Variants in CDH13 observed in about 807,000 individuals in gnomAD.
CDH13 encodes cadherin 13, also known as cadherin-13.
A neutral mutation model predicts 63.8 loss-of-function variants in CDH13; 24 were observed. The ratio of observed to expected loss-of-function variants is 0.38; its 90% CI spans 0.27 to 0.53. The LOEUF is 0.53. Among genes scored for constraint, CDH13 ranks in the 20% least tolerant of loss-of-function variants. The pLI is 0.85. For missense variants in CDH13, 1,049 were observed against 903.1 expected, an observed-to-expected ratio of 1.16 and a Z score of -2.07; for synonymous variants, 503 against 355.3, an observed-to-expected ratio of 1.42 and a Z score of -4.67.
chr16:83,115,313 A>C (rs4238729), intron 3 of CDH13, among the ~76,000 whole-genome samples: 80 of 152,324 alleles, frequency 5.3e-4, no homozygotes, highest in African/African-American at 1.9e-3. Context: ...TGAGATAATC[A>C]TACAATGTGT....
intron 7 of CDH13, among the ~76,000 whole-genome samples, chr16:83,585,345 A>C (rs1906042569): frequency 6.6e-6 from 1 of 152,112 alleles, no homozygotes; most frequent in African/African-American, 2.4e-5. Flanking sequence ...GGGGATGAGG[A>C]GGTTGGAGTC....
At chr16:82,931,568 G>A (rs1353496529) in intron 2 of CDH13, among the ~76,000 whole-genome samples, 10 of 149,038 alleles carry the variant, frequency 6.7e-5, no homozygotes, top group Admixed American at 6.7e-4. Context: ...GTATTAGTCT[G>A]TTTTCATGCT....
At chr16:83,476,542 G>A (rs558838783) in intron 6 of CDH13, among the ~76,000 whole-genome samples, 10 of 152,260 alleles carry the variant, frequency 6.6e-5, no homozygotes, top group Admixed American at 2.6e-4. Context: ...GCGTGGTGGC[G>A]CATGCCTGCA....
intron 6 of CDH13, among the ~76,000 whole-genome samples, chr16:83,352,272 C>G (rs2090968704): frequency 6.6e-6 from 1 of 152,058 alleles, no homozygotes; most frequent in Admixed American, 6.6e-5. Context: ...GGAAAATTCA[C>G]AGCTAAATGG....
At chr16:83,684,537 C>T (rs771024876) in intron 10 of CDH13, among the ~76,000 whole-genome samples, 1 of 152,196 alleles carries the variant, frequency 6.6e-6, no homozygotes, top group Non-Finnish European at 1.5e-5. Flanking sequence ...TTCTGAATAG[C>T]TGGGAGGACT....
chr16:83,539,485 C>T (rs1281659205), intron 7 of CDH13, among the ~76,000 whole-genome samples: 2 of 152,122 alleles, frequency 1.3e-5, no homozygotes, highest in African/African-American at 4.8e-5. Flanking sequence ...TCAAGAAATG[C>T]TAGTCCACAT....
At chr16:83,005,945 G>T (rs946235220) in intron 2 of CDH13, among the ~76,000 whole-genome samples, 2 of 152,082 alleles carry the variant, frequency 1.3e-5, no homozygotes, top group Non-Finnish European at 1.5e-5. Context: ...TTGGTTGGTT[G>T]GTTTTGTTCA....
At chr16:82,719,804 C>G (rs1207008142) in intron 1 of CDH13, among the ~76,000 whole-genome samples, 1 of 148,384 alleles carries the variant, frequency 6.7e-6, no homozygotes, top group African/African-American at 2.5e-5. Flanking sequence ...CAAGATCACG[C>G]CACTGCACTC....
intron 4 of CDH13, among the ~76,000 whole-genome samples, chr16:83,216,146 CTTTCCCT>C (rs2039501388): frequency 6.6e-6 from 1 of 151,854 alleles, no homozygotes; most frequent in Non-Finnish European, 1.5e-5. Flanking sequence ...TCTCCTCCAC[CTTTCCCT>C]TCCAAATTTA....
intron 6 of CDH13, among the ~76,000 whole-genome samples, chr16:83,474,986 G>T (rs1395179132): frequency 6.6e-6 from 1 of 152,268 alleles, no homozygotes; most frequent in Admixed American, 6.5e-5. Flanking sequence ...AGGCACTGAG[G>T]CCGAGACACT....
chr16:82,903,976 ATTC>A (rs1567647332), intron 2 of CDH13, among the ~76,000 whole-genome samples: 1 of 152,024 alleles, frequency 6.6e-6, no homozygotes, highest in Admixed American at 6.6e-5. Context: ...CTCTCTCCCT[ATTC>A]TTCTGGAAGT....
intron 5 of CDH13, among the ~76,000 whole-genome samples, chr16:83,314,999 C>T (rs563825972): frequency 4.0e-4 from 61 of 152,290 alleles, no homozygotes; most frequent in African/African-American, 1.3e-3. Flanking sequence ...TGAATCCTGG[C>T]TCCACCCTGT....
chr16:83,564,019 A>C (rs1298714543), intron 7 of CDH13, among the ~76,000 whole-genome samples: 1 of 152,186 alleles, frequency 6.6e-6, no homozygotes, highest in African/African-American at 2.4e-5. Flanking sequence ...TCATCTGCAA[A>C]ATGGGGATGT....
intron 2 of CDH13, among the ~76,000 whole-genome samples, chr16:82,980,855 A>G (rs1377076519): frequency 1.3e-5 from 2 of 152,310 alleles, no homozygotes; most frequent in East Asian, 3.9e-4. Flanking sequence ...CCAAAAGGAA[A>G]CAATGATTTA....
rs1056769359 is a variant in CDH13, at chr16:83,174,325, C to T, written c.484-43020C>T. The stretch of plus-strand genomic sequence containing the variant: ...CACCACTCAATGATGTTCATACATC[C>T]CATCTTCTTACTTGGCACTATCTTT... On this transcript the variant is annotated intron_variant, in intron 4 of 13. Transcript: ENST00000567109. Among the ~76,000 whole-genome samples, 5 of 152,172 alleles carry T rather than the reference C, an allele frequency of 3.3e-5. No individual in the cohort carries two copies. In the East Asian group the frequency reaches 9.7e-4, roughly 29 times the overall value.
intron 10 of CDH13, among the ~76,000 whole-genome samples, chr16:83,743,322 G>C (rs424382): frequency 0.17 from 26,445 of 152,210 alleles, 2,911 homozygotes; most frequent in Non-Finnish European, 0.25. Flanking sequence ...AAAAGAGTGA[G>C]ACATTGTCCT....
intron 5 of CDH13, among the ~76,000 whole-genome samples, chr16:83,285,886 G>A (rs543894000): frequency 1.6e-4 from 25 of 152,294 alleles, no homozygotes; most frequent in African/African-American, 5.3e-4. Flanking sequence ...TTGTGGCCAG[G>A]CATCACAGAG....
At chr16:83,452,950 G>T (rs368339902) in intron 6 of CDH13, among the ~76,000 whole-genome samples, 3 of 152,170 alleles carry the variant, frequency 2.0e-5, no homozygotes, top group African/African-American at 4.8e-5. Context: ...ACAAGTCCCT[G>T]GGGGAGAAAC....
Position 83,142,246 on chromosome 16 carries a change from C to T in CDH13, c.483+16745C>T, listed in dbSNP as rs532211106. ...TGTAATCTCAGCTCACCACAGCCTCCGCCTTCTGGGTTCCAGCCATTCTCC... is the reference window on the plus strand; with the variant it reads ...TGTAATCTCAGCTCACCACAGCCTCTGCCTTCTGGGTTCCAGCCATTCTCC... On this transcript the variant is annotated intron_variant, in intron 4 of 13. Transcript: ENST00000567109. Among the ~76,000 whole-genome samples the T allele has an allele frequency of 1.1e-4, 16 of 151,498 alleles. No individual in the cohort carries two copies. The East Asian group carries it at 1.4e-3, about 13-fold the overall frequency.
Sources: allele counts gnomAD v4.1 joint callset (sites outside exome capture counted in the v4.1 genomes callset), GRCh38; gene constraint gnomAD v4.1.1; transcripts MANE v1.5; gene names NCBI Gene and HGNC (gene_info 2026-07-23, HGNC 2026-07-21).